Variants in TNFRSF8 observed in about 807,000 individuals in gnomAD.
The protein encoded by TNFRSF8 is TNF receptor superfamily member 8.
Under a neutral mutation model 70.8 loss-of-function variants are expected in TNFRSF8, and 26 were observed. That is an observed-to-expected ratio of 0.37 (90% CI 0.27 to 0.51). The LOEUF is 0.51. TNFRSF8 is among the 20% of genes least tolerant of loss of function. The pLI is 0.94. For synonymous variants in TNFRSF8, 356 were observed against 339.2 expected, an observed-to-expected ratio of 1.05 and a Z score of -0.54; for missense variants, 720 against 807.9, an observed-to-expected ratio of 0.89 and a Z score of 1.32.
Position 12,110,368 on chromosome 1 carries a change from G to T in TNFRSF8, c.676+164G>T, listed in dbSNP as rs3818804. Among the ~76,000 whole-genome samples the T allele has an allele frequency of 0.073, 11,190 of 152,250 alleles. 440 individuals carry two copies. The highest frequency in any genetic ancestry group is 0.08 in the Non-Finnish European group (5,440 of 68,008). ...GATCTAGGGCTGAAAGCATTGAGGG[G>T]CAGAGGTAGACACCAGAGGGCTCAT... is the stretch of plus-strand genomic sequence containing the variant. On this transcript the variant is annotated intron_variant, in intron 6 of 14. Coordinates refer to ENST00000263932, the MANE Select transcript of TNFRSF8 (RefSeq NM_001243.5). The surrounding 1 kb of genome is among the most constrained non-coding windows in gnomAD (Gnocchi z 4.0).
intron 1 of TNFRSF8, among the ~76,000 whole-genome samples, chr1:12,064,295 G>A (rs1640700338): frequency 6.6e-6 from 1 of 152,208 alleles, no homozygotes; most frequent in Non-Finnish European, 1.5e-5. Context: ...TGGGGCTGAA[G>A]TCTATGGTGG....
rs538923463 is a variant in TNFRSF8, at chr1:12,095,784, A to G, written c.152-1317A>G. Among the ~76,000 whole-genome samples the G allele has an allele frequency of 1.2e-4, 19 of 152,350 alleles. 1 individual carries two copies. Among genetic ancestry groups the G allele is most frequent in the African/African-American group, 4.3e-4 (18 of 41,574 alleles). On this transcript the variant is annotated intron_variant, in intron 2 of 14. Coordinates refer to ENST00000263932, the MANE Select transcript of TNFRSF8 (RefSeq NM_001243.5). ...TCATTGTAACTGGCAGAAGGGCTCA[A>G]ATAAGACAAAAGAGAAATAATTGGC...
chr1:12,133,806 A>G (rs2101041136), intron 12 of TNFRSF8, among the ~76,000 whole-genome samples: 1 of 150,854 alleles, frequency 6.6e-6, no homozygotes, highest in South Asian at 2.1e-4. Context: ...TAATCCCAGC[A>G]CTTCGAGAGG....
At chr1:12,096,783 G>A (rs1298703746) in intron 2 of TNFRSF8, among the ~76,000 whole-genome samples, 2 of 144,892 alleles carry the variant, frequency 1.4e-5, no homozygotes, top group South Asian at 2.1e-4. Context: ...CACGTACTAT[G>A]TACCCTCACA....
In TNFRSF8 at chr1:12,063,408, G is replaced by A. The variant is rs1640681029; in HGVS notation, c.-191G>A. The A allele has an allele frequency of 2.4e-6, 1 of 414,448 alleles. No individual in the cohort carries two copies. The highest frequency in any genetic ancestry group is 4.1e-6 in the Non-Finnish European group (1 of 241,420). The allele number at this position is 414,448 out of a possible 1,614,324, so 25.7% of individuals were successfully genotyped here. On this transcript the variant is annotated 5_prime_UTR_variant, in exon 1 of 15. Coordinates refer to ENST00000263932, the MANE Select transcript of TNFRSF8 (RefSeq NM_001243.5). The surrounding 1 kb of genome is among the most constrained non-coding windows in gnomAD (Gnocchi z 7.2). Reference sequence around the variant, plus strand: ...GAGAACTAAGGCTGAAACCTCGGAGGAACAACCACTTTTGAAGTGACTTCG... The same window carrying A: ...GAGAACTAAGGCTGAAACCTCGGAGAAACAACCACTTTTGAAGTGACTTCG...
chr1:12,138,175 G>T lies in TNFRSF8; in HGVS notation c.1336-54G>T. 6.4e-7 allele frequency: 1 copy of T among 1,573,886 alleles called. No individual in the cohort carries two copies. Among genetic ancestry groups the T allele is most frequent in the Non-Finnish European group, 8.7e-7 (1 of 1,154,076 alleles). The stretch of plus-strand genomic sequence containing the variant: ...AAAAAAAGGGGCCTCCCAGTTCAGA[G>T]ACTGGTGGGGAGGTTGGGGGTACCC... On this transcript the variant is annotated intron_variant, in intron 13 of 14. Transcript: ENST00000263932. This position sits in a 1 kb window ranked among gnomAD's most constrained non-coding sequence, Gnocchi z 5.7.
intron 8 of TNFRSF8, among the ~76,000 whole-genome samples, chr1:12,120,089 C>T (rs536962860): frequency 6.6e-6 from 1 of 152,306 alleles, no homozygotes; most frequent in African/African-American, 2.4e-5. Context: ...AAATTACAAT[C>T]AAGTTTGAAG....
chr1:12,078,643 C>A (rs746133284), intron 1 of TNFRSF8, among the ~76,000 whole-genome samples: 1 of 152,086 alleles, frequency 6.6e-6, no homozygotes, highest in Non-Finnish European at 1.5e-5. Context: ...TACAGCACCC[C>A]CCCACCCCAG....
At chr1:12,101,852 T>C (rs963349650) in intron 3 of TNFRSF8, among the ~76,000 whole-genome samples, 1 of 152,140 alleles carries the variant, frequency 6.6e-6, no homozygotes. Flanking sequence ...TTGTATTTTT[T>C]TTAGGAGAGG....
At position 12,113,624 on chromosome 1, in the gene TNFRSF8, GGAGA is replaced by G. The variant is rs939679369; in HGVS notation, c.793+1619_793+1622del. 8.1e-5 allele frequency among the ~76,000 whole-genome samples: 12 copies of G among 148,882 alleles called. No individual in the cohort carries two copies. The South Asian group carries it at 1.7e-3, about 21-fold the overall frequency. ...GAGAGTGAGAGAGAGACAGAAAGAG[GGAGA>G]GAGAGAGACAGAAAGAGAAAGAGAC... On this transcript the variant is annotated intron_variant, in intron 7 of 14. Coordinates refer to ENST00000263932, the MANE Select transcript of TNFRSF8 (RefSeq NM_001243.5). The surrounding 1 kb of genome is among the most constrained non-coding windows in gnomAD (Gnocchi z 4.9).
At position 12,109,957 on chromosome 1, in the gene TNFRSF8, T is replaced by C; in HGVS notation, c.513-84T>C. 1 of 1,506,182 alleles carries C rather than the reference T, an allele frequency of 6.6e-7. No homozygotes were observed. Among genetic ancestry groups the C allele is most frequent in the South Asian group, 1.3e-5 (1 of 79,268 alleles). The allele number at this position is 1,506,182 out of a possible 1,614,324, so 93.3% of individuals were successfully genotyped here. A position where few individuals can be genotyped will look rare whatever the true frequency, so the allele number is the denominator to read the frequency against. On this transcript the variant is annotated intron_variant, in intron 5 of 14. Transcript: ENST00000263932. This position sits in a 1 kb window ranked among gnomAD's most constrained non-coding sequence, Gnocchi z 4.4. ...TGGGCCAAGGGCCTGGGACCCCATC[T>C]CTGTGGAAACTGTTACTCGTGAGCA...
At chr1:12,065,340 C>T (rs753286223) in intron 1 of TNFRSF8, among the ~76,000 whole-genome samples, 5 of 152,146 alleles carry the variant, frequency 3.3e-5, no homozygotes, top group Non-Finnish European at 7.3e-5. Flanking sequence ...GTCTCGGCCT[C>T]CCAAAGTGCT....
At chr1:12,065,179 T>C (rs1640717296) in intron 1 of TNFRSF8, among the ~76,000 whole-genome samples, 1 of 147,856 alleles carries the variant, frequency 6.8e-6, no homozygotes, top group Admixed American at 7.0e-5. Flanking sequence ...GCCTCCCGGA[T>C]TCAAGTGATT....
intron 2 of TNFRSF8, among the ~76,000 whole-genome samples, chr1:12,086,240 G>A (rs1271201015): frequency 1.3e-5 from 2 of 152,196 alleles, no homozygotes; most frequent in Non-Finnish European, 2.9e-5. Context: ...AAAGGACAGA[G>A]GGAAACATTC....
At chr1:12,085,662 T>C (rs961969710) in intron 2 of TNFRSF8, among the ~76,000 whole-genome samples, 9 of 152,234 alleles carry the variant, frequency 5.9e-5, no homozygotes, top group Non-Finnish European at 1.0e-4. Context: ...CTTTCTGGAA[T>C]GTTCCCCCAC....
chr1:12,082,165 C>T (rs1641075382), intron 1 of TNFRSF8, among the ~76,000 whole-genome samples: 1 of 152,190 alleles, frequency 6.6e-6, no homozygotes, highest in South Asian at 2.1e-4. Context: ...GGAATCTCAA[C>T]AAAGAATTTC....
chr1:12,079,543 C>A (rs921209708), intron 1 of TNFRSF8, among the ~76,000 whole-genome samples: 1 of 152,246 alleles, frequency 6.6e-6, no homozygotes, highest in Non-Finnish European at 1.5e-5. Context: ...CCAGACTTCT[C>A]CGGGCAGCGG....
In TNFRSF8 at chr1:12,141,548, T is replaced by C. The variant is rs986224449; in HGVS notation, c.1544-739T>C. 1.3e-5 allele frequency among the ~76,000 whole-genome samples: 2 copies of C among 152,246 alleles called. No individual in the cohort carries two copies. The highest frequency in any genetic ancestry group is 2.9e-5 in the Non-Finnish European group (2 of 68,034). ...GCAGTAAGCCCCGAAATTCACGGCC[T>C]GAGCCAGGCTGTCTCAATCATGGGC... On this transcript the variant is annotated intron_variant, in intron 14 of 14. Transcript: ENST00000263932. This position sits in a 1 kb window ranked among gnomAD's most constrained non-coding sequence, Gnocchi z 5.4.
In TNFRSF8 at chr1:12,063,388, C is replaced by CCCG. The variant is rs1640680479; in HGVS notation, c.-211_-210insCCG. 2.5e-6 allele frequency: 1 copy of CCCG among 399,396 alleles called. No homozygotes were observed. Among genetic ancestry groups the CCCG allele is most frequent in the Non-Finnish European group, 4.4e-6 (1 of 228,384 alleles). 24.7% of individuals were successfully genotyped at this position (399,396 alleles called of 1,614,324 possible). On this transcript the variant is annotated 5_prime_UTR_variant, in exon 1 of 15. Coordinates refer to ENST00000263932, the MANE Select transcript of TNFRSF8 (RefSeq NM_001243.5). The surrounding 1 kb of genome is among the most constrained non-coding windows in gnomAD (Gnocchi z 7.2). The stretch of plus-strand genomic sequence containing the variant: ...CTGGAACCAATTTGATACGGGAGAA[C>CCCG]TAAGGCTGAAACCTCGGAGGAACAA...
Sources: gnomAD v4.1 joint callset for allele counts (sites outside exome capture counted in the v4.1 genomes callset) on GRCh38, gnomAD v4.1.1 for gene constraint, Gnocchi (gnomAD v3.1) non-coding constraint, MANE v1.5 for transcripts, NCBI Gene and HGNC (gene_info 2026-07-23, HGNC 2026-07-21) for gene names.